EYS: variants seen among roughly 807,000 people sequenced by gnomAD.
The protein encoded by EYS is EGF-like photoreceptor maintenance factor, also known as protein eyes shut homolog.
Under a neutral mutation model 282.1 loss-of-function variants are expected in EYS, and 250 were observed. The ratio of observed to expected loss-of-function variants is 0.89; its 90% CI spans 0.80 to 0.98. EYS has a LOEUF of 0.98. Among genes scored for constraint, EYS ranks in the 50% least tolerant of loss-of-function variants. EYS has a pLI of 0.00. For missense variants in EYS, 4,016 were observed against 3,709.0 expected (o/e 1.08, Z -2.15); for synonymous variants, 1,355 against 1,282.9 (o/e 1.06, Z -1.20).
intron 32 of EYS, among the ~76,000 whole-genome samples, chr6:64,072,388 T>C (rs928668624): frequency 6.6e-6 from 1 of 151,896 alleles, no homozygotes; most frequent in East Asian, 1.9e-4. Context: ...GTTTTTTTTT[T>C]CGGCTTCTAC....
intron 26 of EYS, among the ~76,000 whole-genome samples, chr6:64,575,738 G>A (rs114801142): frequency 6.6e-6 from 1 of 152,168 alleles, no homozygotes; most frequent in Non-Finnish European, 1.5e-5. Flanking sequence ...TTCAGGACAA[G>A]CACCAAGTTT....
chr6:65,363,245 CA>C lies in EYS; in HGVS notation c.1300-9629del, dbSNP rs972190199. 7.8e-4 allele frequency among the ~76,000 whole-genome samples: 118 copies of C among 151,872 alleles called. 1 individual carries two copies. The highest frequency in any genetic ancestry group is 1.4e-3 in the Non-Finnish European group (96 of 67,914). On this transcript the variant is annotated intron_variant, in intron 8 of 42. Transcript: ENST00000503581. ...CCTTTTGCTCTTATAGGCTACATAA[CA>C]TCTATTTATTTCATTCTTCTATCAA...
chr6:65,211,312 A>G (rs958784400), intron 12 of EYS, among the ~76,000 whole-genome samples: 1 of 152,030 alleles, frequency 6.6e-6, no homozygotes, highest in Non-Finnish European at 1.5e-5. Flanking sequence ...GTCACTTGGT[A>G]AAAGAATCTG....
At chr6:64,532,659 A>G (rs534535150) in intron 26 of EYS, among the ~76,000 whole-genome samples, 60 of 152,278 alleles carry the variant, frequency 3.9e-4, no homozygotes, top group Admixed American at 1.8e-3. Flanking sequence ...CAGTGAGCTG[A>G]GATTGCGCCA....
intron 2 of EYS, among the ~76,000 whole-genome samples, chr6:65,549,873 A>T (rs1254386035): frequency 6.6e-6 from 1 of 152,116 alleles, no homozygotes; most frequent in African/African-American, 2.4e-5. Context: ...ACAGTTACAG[A>T]TTACATTAGT....
At chr6:64,997,166 A>G (rs1771291328) in intron 14 of EYS, among the ~76,000 whole-genome samples, 1 of 152,190 alleles carries the variant, frequency 6.6e-6, no homozygotes, top group Non-Finnish European at 1.5e-5. Flanking sequence ...GAAATATGTA[A>G]TATGAGATGG....
intron 31 of EYS, among the ~76,000 whole-genome samples, chr6:64,138,414 G>A (rs984306526): frequency 6.6e-6 from 1 of 152,082 alleles, no homozygotes; most frequent in African/African-American, 2.4e-5. Context: ...AGGAAGGGTT[G>A]GAACTCAGAA....
intron 13 of EYS, among the ~76,000 whole-genome samples, chr6:65,016,183 G>C (rs1441110596): frequency 6.6e-6 from 1 of 151,110 alleles, no homozygotes; most frequent in Non-Finnish European, 1.5e-5. Flanking sequence ...GGATAACATG[G>C]TGAAACCTCG....
rs1015956255 is a variant in EYS at position 64,258,789 on chromosome 6, C to T, written c.6192-27965G>A. Among the ~76,000 whole-genome samples, 5 of 83,190 alleles carry T rather than the reference C, an allele frequency of 6.0e-5. No homozygotes were observed. In the South Asian group the frequency reaches 1.7e-3, roughly 28 times the overall value. The allele number at this position is 83,190 out of a possible 152,430, so 54.6% of individuals were successfully genotyped here. On this transcript the variant is annotated intron_variant, in intron 30 of 42. Coordinates refer to ENST00000503581, the MANE Select transcript of EYS (RefSeq NM_001142800.2). ...ACGAGTGTGAGATCCTAGAGCCCTT[C>T]CTTTACAGTTTTTTTTCCATGTTAT...
At chr6:64,970,680 T>C (rs564388296) in intron 14 of EYS, among the ~76,000 whole-genome samples, 1 of 152,312 alleles carries the variant, frequency 6.6e-6, no homozygotes, top group South Asian at 2.1e-4. Context: ...TCCTGTTTAG[T>C]ACAATACGTA....
chr6:64,977,638 T>G (rs1463756082), intron 14 of EYS, among the ~76,000 whole-genome samples: 1 of 149,750 alleles, frequency 6.7e-6, no homozygotes, highest in Non-Finnish European at 1.5e-5. Context: ...CTAGGCCTTT[T>G]GCACCAAATA....
chr6:65,022,355 T>G (rs984439666), intron 13 of EYS, among the ~76,000 whole-genome samples: 1 of 152,206 alleles, frequency 6.6e-6, no homozygotes, highest in African/African-American at 2.4e-5. Context: ...TCAGAAGGCA[T>G]GCTTATTGCG....
intron 9 of EYS, among the ~76,000 whole-genome samples, chr6:65,347,309 A>C (rs1051565272): frequency 1.3e-5 from 2 of 151,588 alleles, no homozygotes; most frequent in African/African-American, 2.4e-5. Context: ...TCGTATGTAA[A>C]CTGGGTGTTT....
At chr6:64,618,344 A>G (rs1027138353) in intron 23 of EYS, among the ~76,000 whole-genome samples, 2 of 152,170 alleles carry the variant, frequency 1.3e-5, no homozygotes, top group Admixed American at 6.5e-5. Flanking sequence ...TATGCCTAAC[A>G]TGCTAGCCAC....
chr6:65,666,881 A>C (rs1178817556), intron 1 of EYS, among the ~76,000 whole-genome samples: 3 of 150,728 alleles, frequency 2.0e-5, no homozygotes, highest in African/African-American at 7.3e-5. Context: ...CATAAAAATA[A>C]TAAAAATTAA....
At chr6:64,122,689 G>A (rs112238056) in intron 31 of EYS, among the ~76,000 whole-genome samples, 1,577 of 152,120 alleles carry the variant, frequency 0.01, 36 homozygotes, top group African/African-American at 0.035. Context: ...ATATTTTAAA[G>A]AATTTGAGAA....
intron 33 of EYS, among the ~76,000 whole-genome samples, chr6:64,011,718 T>G (rs1768641606): frequency 6.6e-6 from 1 of 152,172 alleles, no homozygotes; most frequent in African/African-American, 2.4e-5. Context: ...AATTAAATGC[T>G]TTAAAGCAGT....
intron 12 of EYS, among the ~76,000 whole-genome samples, chr6:65,217,914 T>C (rs1766356719): frequency 6.6e-6 from 1 of 152,008 alleles, no homozygotes; most frequent in African/African-American, 2.4e-5. Flanking sequence ...ACTTGCTGTG[T>C]GGAGATTGAA....
intron 19 of EYS, among the ~76,000 whole-genome samples, chr6:64,835,835 C>A (rs1765366247): frequency 6.6e-6 from 1 of 151,490 alleles, no homozygotes; most frequent in Non-Finnish European, 1.5e-5. Flanking sequence ...TGTGCCAAGG[C>A]TCGAGACAAT....
Sources: allele counts gnomAD v4.1 joint callset (sites outside exome capture counted in the v4.1 genomes callset), GRCh38; gene constraint gnomAD v4.1.1; transcripts MANE v1.5; gene names NCBI Gene and HGNC (gene_info 2026-07-23, HGNC 2026-07-21).